The following NLGN4X variants were observed in gnomAD, a reference collection of about 807,000 sequenced individuals.
NLGN4X encodes neuroligin-4, X-linked.
Under a neutral mutation model 40.3 loss-of-function variants are expected in NLGN4X, and 3 were observed. The observed-to-expected ratio is 0.07, with a 90% CI of 0.03 to 0.19. NLGN4X has a LOEUF of 0.19. Among genes scored for constraint, NLGN4X ranks in the 10% least tolerant of loss-of-function variants. The pLI is 1.00. For missense variants in NLGN4X, 382 were observed against 708.3 expected, an observed-to-expected ratio of 0.54 and a Z score of 5.23; for synonymous variants, 270 against 306.8, an observed-to-expected ratio of 0.88 and a Z score of 1.25.
At chrX:6,214,724 G>A (rs777207622) in intron 1 of NLGN4X, among the ~76,000 whole-genome samples, 4 of 111,082 alleles carry the variant, frequency 3.6e-5, no homozygotes, top group Non-Finnish European at 5.7e-5. Flanking sequence ...GTGAGACCCC[G>A]TCTCTTAAAA....
At chrX:6,078,620 T>G (rs186954295) in intron 2 of NLGN4X, among the ~76,000 whole-genome samples, 72 of 112,130 alleles carry the variant, frequency 6.4e-4, no homozygotes, top group African/African-American at 2.2e-3. Context: ...GCATATCATG[T>G]GCTGATCCTA....
At chrX:6,178,281 T>C (rs962607445) in intron 1 of NLGN4X, among the ~76,000 whole-genome samples, 1 of 112,040 alleles carries the variant, frequency 8.9e-6, no homozygotes, top group Admixed American at 9.4e-5. Context: ...ATATTGATTA[T>C]ATAAAGTAAT....
intron 5 of NLGN4X, among the ~76,000 whole-genome samples, chrX:5,899,290 C>T (rs958269549): frequency 5.4e-5 from 6 of 111,896 alleles, no homozygotes; most frequent in Non-Finnish European, 9.4e-5. Context: ...GACATTCGAG[C>T]TCTGGGTACC....
chrX:6,062,718 A>T (rs1183457849), intron 2 of NLGN4X, among the ~76,000 whole-genome samples: 2 of 110,311 alleles, frequency 1.8e-5, no homozygotes, highest in African/African-American at 6.6e-5. Flanking sequence ...AGTATCACAA[A>T]ACCTGATGGT....
intron 2 of NLGN4X, among the ~76,000 whole-genome samples, chrX:6,095,093 ACGTGCGTG>A (rs1209356607): frequency 2.1e-4 from 5 of 23,493 alleles, no homozygotes; most frequent in South Asian, 5.0e-3. Flanking sequence ...GGCTTTAAGT[ACGTGCGTG>A]CGTGTGTGTG....
At chrX:5,953,029 C>T (rs1261983317) in intron 3 of NLGN4X, among the ~76,000 whole-genome samples, 1 of 110,496 alleles carries the variant, frequency 9.1e-6, no homozygotes, top group African/African-American at 3.3e-5. Flanking sequence ...TGCAGTATCT[C>T]GTTCACTATC....
chrX:5,914,489 A>G (rs942579465), intron 3 of NLGN4X, among the ~76,000 whole-genome samples: 1 of 111,022 alleles, frequency 9.0e-6, no homozygotes, highest in Non-Finnish European at 1.9e-5. Flanking sequence ...GCATAAACAC[A>G]GTAGGCATTT....
chrX:6,065,840 CTG>C lies in NLGN4X; in HGVS notation c.473-36410_473-36409del, dbSNP rs770264508. 1.2e-4 allele frequency among the ~76,000 whole-genome samples: 13 copies of C among 111,542 alleles called. No individual in the cohort carries two copies. In the East Asian group the frequency reaches 3.6e-3, roughly 31 times the overall value. On this transcript the variant is annotated intron_variant, in intron 2 of 5. Transcript: ENST00000381095. ...TGATATACTATGTTATTTTTTAAGA[CTG>C]TTTTTTAAAATAGCTAAATTGCATA...
At chrX:6,170,019 T>G (rs2040573073) in intron 1 of NLGN4X, among the ~76,000 whole-genome samples, 1 of 111,069 alleles carries the variant, frequency 9.0e-6, no homozygotes, top group Non-Finnish European at 1.9e-5. Flanking sequence ...GATTTTTTTT[T>G]TTTTTGAAAC....
intron 2 of NLGN4X, among the ~76,000 whole-genome samples, chrX:6,048,115 G>A (rs918919883): frequency 1.1e-4 from 12 of 111,272 alleles, no homozygotes; most frequent in African/African-American, 3.9e-4. Flanking sequence ...GTTTGTTTGC[G>A]ATCCACTCTG....
At chrX:5,936,364 C>T (rs114886354) in intron 3 of NLGN4X, among the ~76,000 whole-genome samples, 5,146 of 111,666 alleles carry the variant, frequency 0.046, 301 homozygotes, top group African/African-American at 0.16. Context: ...GAAAATTATA[C>T]GTGTTCTAAT....
At chrX:6,042,660 A>AT (rs2037188178) in intron 2 of NLGN4X, among the ~76,000 whole-genome samples, 1 of 86,009 alleles carries the variant, frequency 1.2e-5, no homozygotes, top group African/African-American at 4.2e-5. Context: ...TGTTGTATTA[A>AT]AAACCTAACA....
At chrX:6,016,035 C>T (rs2036387088) in intron 3 of NLGN4X, among the ~76,000 whole-genome samples, 2 of 111,925 alleles carry the variant, frequency 1.8e-5, no homozygotes, top group African/African-American at 6.5e-5. Context: ...AAAAGTACCC[C>T]TCCTAAACCT....
intron 3 of NLGN4X, among the ~76,000 whole-genome samples, chrX:5,949,116 C>T (rs2034223537): frequency 8.9e-6 from 1 of 111,825 alleles, no homozygotes; most frequent in Admixed American, 9.5e-5. Context: ...CCTGGAAGTC[C>T]CAGTGCTTTA....
At chrX:5,898,449 C>A (rs1461516113) in intron 5 of NLGN4X, among the ~76,000 whole-genome samples, 1 of 110,284 alleles carries the variant, frequency 9.1e-6, no homozygotes, top group African/African-American at 3.3e-5. Flanking sequence ...TTTATGTATA[C>A]CAGGTATATG....
chrX:5,976,573 T>C (rs781542715), intron 3 of NLGN4X, among the ~76,000 whole-genome samples: 7 of 112,273 alleles, frequency 6.2e-5, no homozygotes, highest in African/African-American at 2.3e-4. Flanking sequence ...AATGTGTCTT[T>C]CTGCTCTAGT....
intron 2 of NLGN4X, among the ~76,000 whole-genome samples, chrX:6,052,948 C>G (rs995268122): frequency 1.7e-4 from 19 of 112,101 alleles, no homozygotes; most frequent in Non-Finnish European, 3.4e-4. Flanking sequence ...AAGAATGTTT[C>G]CTCGCTTCTT....
intron 3 of NLGN4X, among the ~76,000 whole-genome samples, chrX:5,915,525 CTT>C (rs1399403536): frequency 1.8e-5 from 2 of 112,089 alleles, no homozygotes; most frequent in Non-Finnish European, 3.8e-5. Flanking sequence ...AAACAAATCT[CTT>C]TGAGTCAACT....
chrX:6,044,096 G>A, intron 2 of NLGN4X, among the ~76,000 whole-genome samples: 1 of 37,162 alleles, frequency 2.7e-5, no homozygotes, highest in South Asian at 1.2e-3. Flanking sequence ...ATGAGAACCT[G>A]TTTCTATTAA....
Sources: gnomAD v4.1 joint callset for allele counts (sites outside exome capture counted in the v4.1 genomes callset) on GRCh38, gnomAD v4.1.1 for gene constraint, MANE v1.5 for transcripts, NCBI Gene and HGNC (gene_info 2026-07-23, HGNC 2026-07-21) for gene names.